The following RNF220 variants were observed in gnomAD, a reference collection of about 807,000 sequenced individuals.
The protein encoded by RNF220 is ring finger protein 220, also known as E3 ubiquitin-protein ligase RNF220.
In RNF220, 7 loss-of-function variants were observed where a neutral mutation model predicts 67.1. That is an observed-to-expected ratio of 0.10 (90% CI 0.06 to 0.20). The LOEUF is 0.20. Among genes scored for constraint, RNF220 ranks in the 10% least tolerant of loss-of-function variants. RNF220 has a pLI of 1.00. For missense variants in RNF220, 565 were observed against 740.3 expected, an observed-to-expected ratio of 0.76 and a Z score of 2.75; for synonymous variants, 270 against 283.2, an observed-to-expected ratio of 0.95 and a Z score of 0.47.
At chr1:44,438,020 G>A (rs1257920260) in intron 2 of RNF220, among the ~76,000 whole-genome samples, 1 of 152,134 alleles carries the variant, frequency 6.6e-6, no homozygotes, top group Non-Finnish European at 1.5e-5. Context: ...ACATATAGAA[G>A]AAAACTAACT....
intron 2 of RNF220, among the ~76,000 whole-genome samples, chr1:44,439,021 G>A (rs186923148): frequency 9.2e-5 from 14 of 152,142 alleles, no homozygotes; most frequent in Admixed American, 1.3e-4. Flanking sequence ...TGTCTAATTA[G>A]GATGTTTCCA....
intron 2 of RNF220, among the ~76,000 whole-genome samples, chr1:44,596,267 AAGAC>A (rs1372188114): frequency 2.0e-5 from 3 of 152,192 alleles, no homozygotes; most frequent in Admixed American, 6.5e-5. Flanking sequence ...GAGAAGTAAA[AAGAC>A]AGAGAAGGGG....
At chr1:44,596,762 T>A (rs1005604242) in intron 2 of RNF220, among the ~76,000 whole-genome samples, 1 of 152,162 alleles carries the variant, frequency 6.6e-6, no homozygotes, top group Non-Finnish European at 1.5e-5. Flanking sequence ...TAGGCAGCAG[T>A]GAGCCTCCCC....
Position 44,649,980 on chromosome 1 carries a change from G to C in RNF220, c.1629+23G>C. On this transcript the variant is annotated intron_variant, in intron 14 of 14. Transcript: ENST00000361799. The surrounding 1 kb of genome is among the most constrained non-coding windows in gnomAD (Gnocchi z 5.9). ...CTGGTGAGGTGGCATGGGGGTCGGG[G>C]AATGGGAGGCCGCTCCGGGCACTGC... is the stretch of plus-strand genomic sequence containing the variant. 1 of 1,611,230 alleles carries C rather than the reference G, an allele frequency of 6.2e-7. No individual in the cohort carries two copies. The highest frequency in any genetic ancestry group is 8.5e-7 in the Non-Finnish European group (1 of 1,179,118).
intron 2 of RNF220, among the ~76,000 whole-genome samples, chr1:44,514,803 TG>T (rs903285479): frequency 4.6e-5 from 7 of 152,310 alleles, no homozygotes; most frequent in Admixed American, 3.9e-4. Flanking sequence ...AACCACAGAT[TG>T]GGGAGTGGCT....
At chr1:44,458,429 A>T (rs1261121810) in intron 2 of RNF220, among the ~76,000 whole-genome samples, 1 of 151,686 alleles carries the variant, frequency 6.6e-6, no homozygotes, top group Non-Finnish European at 1.5e-5. Flanking sequence ...CCATTTCCTA[A>T]CTTGGGTAAG....
chr1:44,557,175 AT>A (rs1168021222), intron 2 of RNF220, among the ~76,000 whole-genome samples: 1 of 144,586 alleles, frequency 6.9e-6, no homozygotes, highest in African/African-American at 2.6e-5. Flanking sequence ...ATATGTATAT[AT>A]TAATATATAA....
chr1:44,625,026 TGA>T lies in RNF220; in HGVS notation c.805-1240_805-1239del, dbSNP rs71665956. Among the ~76,000 whole-genome samples, 864 of 147,368 alleles carry T rather than the reference TGA, an allele frequency of 5.9e-3. 3 individuals carry two copies. The highest frequency in any genetic ancestry group is 0.013 in the East Asian group (64 of 4,982). ...CTCAGGGCTTCTAACCTAGAGAGAA[TGA>T]GAGAGAGAGAGAGAGAGAGAGAGAG... On this transcript the variant is annotated intron_variant, in intron 4 of 14. Transcript: ENST00000361799.
Position 44,644,791 on chromosome 1 carries a change from C to A in RNF220, c.1220C>A (p.Pro407Gln), listed in dbSNP as rs1254771240. The A allele has an allele frequency of 6.2e-7, 1 of 1,613,096 alleles. No individual in the cohort carries two copies. The highest frequency in any genetic ancestry group is 1.1e-5 in the South Asian group (1 of 91,068). ...DGDDTLEYGK[P>Q]QYTEADVIPC... is the part of the protein sequence containing the mutation. ...GATGACACTCTGGAGTATGGGAAGC[C>A]ACAGTATCCTTGGAGCACTATGGGG... The change falls in exon 9 of 15, where the codon CCA becomes CAA. Residue 407 changes from proline to glutamine, a missense_variant. By Grantham distance (76) the Pro-to-Gln change is moderately conservative. Transcript: ENST00000361799.
intron 2 of RNF220, among the ~76,000 whole-genome samples, chr1:44,432,976 C>G (rs980361869): frequency 1.3e-5 from 2 of 150,970 alleles, no homozygotes; most frequent in Non-Finnish European, 2.9e-5. Flanking sequence ...GCACTGTACC[C>G]AGGAGTGCAG....
At chr1:44,579,478 C>G (rs879605474) in intron 2 of RNF220, among the ~76,000 whole-genome samples, 20 of 152,304 alleles carry the variant, frequency 1.3e-4, no homozygotes, top group African/African-American at 4.1e-4. Flanking sequence ...GCTGTGGGGC[C>G]TAAGAACAGG....
At chr1:44,429,758 G>T (rs776059615) in intron 2 of RNF220, among the ~76,000 whole-genome samples, 2 of 152,212 alleles carry the variant, frequency 1.3e-5, no homozygotes, top group Non-Finnish European at 2.9e-5. Context: ...GGGACGTGTG[G>T]TTGGTAGGCC....
intron 2 of RNF220, among the ~76,000 whole-genome samples, chr1:44,450,670 T>C (rs1434005503): frequency 1.3e-5 from 2 of 152,254 alleles, no homozygotes; most frequent in Non-Finnish European, 2.9e-5. Context: ...AACTCCTAAA[T>C]GGTATTCCAT....
In RNF220 at chr1:44,645,629, A is replaced by G; in HGVS notation, c.1445+141A>G. The G allele has an allele frequency of 2.6e-6, 2 of 762,180 alleles. No homozygotes were observed. The highest frequency in any genetic ancestry group is 4.4e-6 in the Non-Finnish European group (2 of 459,612). The allele number at this position is 762,180 out of a possible 1,614,324, so 47.2% of individuals were successfully genotyped here. On this transcript the variant is annotated intron_variant, in intron 12 of 14. Transcript: ENST00000361799. The surrounding 1 kb of genome is among the most constrained non-coding windows in gnomAD (Gnocchi z 5.0). ...CTGCTGCCCTGGGCACACGGCCGGCAGTGGAGCCCAGCTGGTGCTAAGCGT... is the reference window on the plus strand; with the variant it reads ...CTGCTGCCCTGGGCACACGGCCGGCGGTGGAGCCCAGCTGGTGCTAAGCGT...
chr1:44,501,527 A>G (rs1039517148), intron 2 of RNF220, among the ~76,000 whole-genome samples: 1 of 146,584 alleles, frequency 6.8e-6, no homozygotes, highest in Non-Finnish European at 1.5e-5. Context: ...AAGGCTGGGC[A>G]GAGAAGCATG....
At chr1:44,408,200 T>C (rs1462159859) in intron 1 of RNF220, among the ~76,000 whole-genome samples, 1 of 152,112 alleles carries the variant, frequency 6.6e-6, no homozygotes, top group East Asian at 1.9e-4. Flanking sequence ...CAGTCGAGAC[T>C]CTTCCGAGCT....
chr1:44,418,544 G>A (rs1236760411), intron 2 of RNF220, among the ~76,000 whole-genome samples: 2 of 152,024 alleles, frequency 1.3e-5, no homozygotes, highest in Non-Finnish European at 2.9e-5. Flanking sequence ...TTAAAGTCTG[G>A]GCAATTTCTG....
chr1:44,495,423 T>C (rs1388214905), intron 2 of RNF220, among the ~76,000 whole-genome samples: 1 of 152,166 alleles, frequency 6.6e-6, no homozygotes, highest in Non-Finnish European at 1.5e-5. Flanking sequence ...ATAGATAGTG[T>C]AATGGGAATA....
In RNF220 at chr1:44,512,074, T is replaced by C. The variant is rs137859750; in HGVS notation, c.625+99352T>C. Among the ~76,000 whole-genome samples, 809 of 152,314 alleles carry C rather than the reference T, an allele frequency of 5.3e-3. 8 individuals carry two copies. Among genetic ancestry groups the C allele is most frequent in the Middle Eastern group, 0.027 (8 of 294 alleles). On this transcript the variant is annotated intron_variant, in intron 2 of 14. Transcript: ENST00000361799. ...CTGTTGTTAAAACAGGTTCAGGTTT[T>C]CGCTGTGGTTGTAGGTATGTAAATG...
Sources: allele counts gnomAD v4.1 joint callset (sites outside exome capture counted in the v4.1 genomes callset), GRCh38; gene constraint gnomAD v4.1.1; non-coding constraint Gnocchi (gnomAD v3.1); transcripts MANE v1.5; gene names NCBI Gene and HGNC (gene_info 2026-07-23, HGNC 2026-07-21).